The following MAP3K1 variants were observed in gnomAD, a reference collection of about 807,000 sequenced individuals.
MAP3K1 encodes the protein MAP/ERK kinase kinase 1.
MAP3K1 carries 36 observed loss-of-function variants against 144.2 expected under a neutral mutation model. The observed-to-expected ratio is 0.25, with a 90% CI of 0.19 to 0.33. The LOEUF (loss-of-function observed/expected upper bound fraction) is 0.33, where lower values mean the gene tolerates loss of function less well. Among genes scored for constraint, MAP3K1 ranks in the 10% least tolerant of loss-of-function variants. The pLI, the probability that MAP3K1 is intolerant of heterozygous loss-of-function variation, is 1.00. For missense variants in MAP3K1, 1,650 were observed against 1,881.9 expected, an observed-to-expected ratio of 0.88 and a Z score of 2.28; for synonymous variants, 718 against 688.7, an observed-to-expected ratio of 1.04 and a Z score of -0.67.
chr5:56,885,433 A>G (rs1748351480), intron 16 of MAP3K1, among the ~76,000 whole-genome samples: 1 of 152,200 alleles, frequency 6.6e-6, no homozygotes. Flanking sequence ...AAAGATTTAC[A>G]CTACAGTAGA....
intron 19 of MAP3K1, among the ~76,000 whole-genome samples, chr5:56,893,254 T>C (rs1419212888): frequency 6.6e-6 from 1 of 152,196 alleles, no homozygotes; most frequent in Admixed American, 6.5e-5. Context: ...TACCTGAACA[T>C]TTTGATGTAC....
intron 12 of MAP3K1, 82 bp from the exon 13 acceptor site, chr5:56,881,001 C>T: frequency 8.1e-7 from 1 of 1,239,646 alleles, no homozygotes; most frequent in Non-Finnish European, 1.2e-6. Context: ...TTTTTGTTGG[C>T]CTTACACCAT....
intron 3 of MAP3K1, among the ~76,000 whole-genome samples, chr5:56,860,419 G>A (rs182510329): frequency 1.2e-4 from 18 of 152,250 alleles, no homozygotes; most frequent in Admixed American, 3.3e-4. Flanking sequence ...GTATTTGTGC[G>A]GTTGTTAGAG....
intron 1 of MAP3K1, among the ~76,000 whole-genome samples, chr5:56,840,448 AAAT>A (rs142536421): frequency 0.02 from 3,061 of 152,298 alleles, 101 homozygotes; most frequent in African/African-American, 0.071. Flanking sequence ...GCGTCCAGCC[AAAT>A]AATGAGTATT....
chr5:56,825,938 C>T (rs1746298308), intron 1 of MAP3K1, among the ~76,000 whole-genome samples: 1 of 151,938 alleles, frequency 6.6e-6, no homozygotes, highest in African/African-American at 2.4e-5. Context: ...GCATCGTGCT[C>T]AGTTTTAGTC....
At chr5:56,864,680 AG>A in intron 3 of MAP3K1, 53 bp from the exon 4 acceptor site, 1 of 1,577,678 alleles carries the variant, frequency 6.3e-7, no homozygotes, top group African/African-American at 1.3e-5. Context: ...ACCGGATAAT[AG>A]TTTCTTAATT....
In MAP3K1 at chr5:56,886,080, T is replaced by C; in HGVS notation, c.4114+17T>C. On this transcript the variant is annotated intron_variant, in intron 17 of 19. Transcript: ENST00000399503. The stretch of plus-strand genomic sequence containing the variant: ...ATGTCAAAGGTGAGAATTCTTCTAA[T>C]TATTATCTAGTGACAATAAAAAAAT... 13 of 1,605,448 alleles carry C rather than the reference T, an allele frequency of 8.1e-6. No individual in the cohort carries two copies. The highest frequency in any genetic ancestry group is 1.1e-5 in the Non-Finnish European group (13 of 1,172,390).
In MAP3K1 at chr5:56,866,109, A is replaced by G. The variant is rs1020167899; in HGVS notation, c.1301+132A>G. On this transcript the variant is annotated intron_variant, in intron 6 of 19. Transcript: ENST00000399503. ...GAATCTTGGCTTTCAAGTTAAAATC[A>G]AGGGTGAAGATACTAAAAGTTCGCT... is the stretch of plus-strand genomic sequence containing the variant. The G allele has an allele frequency of 3.3e-6, 3 of 899,634 alleles. No homozygotes were observed. The African/African-American group carries it at 5.0e-5, about 15-fold the overall frequency. 55.7% of individuals were successfully genotyped at this position (899,634 alleles called of 1,614,324 possible).
At chr5:56,892,750 C>T (rs1748585025) in intron 19 of MAP3K1, among the ~76,000 whole-genome samples, 1 of 152,058 alleles carries the variant, frequency 6.6e-6, no homozygotes, top group Non-Finnish European at 1.5e-5. Context: ...GGGAGATATG[C>T]AAGAAAGACA....
intron 1 of MAP3K1, among the ~76,000 whole-genome samples, chr5:56,840,228 A>G (rs1579730711): frequency 6.6e-6 from 1 of 151,926 alleles, no homozygotes. Context: ...GCTCACTGCA[A>G]CCTCCGCCTC....
At chr5:56,830,973 A>G (rs1230739865) in intron 1 of MAP3K1, among the ~76,000 whole-genome samples, 1 of 151,882 alleles carries the variant, frequency 6.6e-6, no homozygotes, top group Non-Finnish European at 1.5e-5. Flanking sequence ...CATTGGTAAC[A>G]GCACGTAAAT....
intron 1 of MAP3K1, among the ~76,000 whole-genome samples, chr5:56,816,444 G>T (rs1242816445): frequency 6.6e-6 from 1 of 152,082 alleles, no homozygotes; most frequent in Admixed American, 6.5e-5. Context: ...GGTGTCCCCG[G>T]GGCAAAGGCA....
intron 14 of MAP3K1, among the ~76,000 whole-genome samples, chr5:56,883,211 A>G (rs1278407975): frequency 2.0e-5 from 3 of 152,224 alleles, no homozygotes; most frequent in African/African-American, 7.2e-5. Context: ...TCCTTGGACC[A>G]TACTAAAATA....
chr5:56,853,483 G>T (rs955801636), intron 1 of MAP3K1, among the ~76,000 whole-genome samples: 4 of 152,144 alleles, frequency 2.6e-5, no homozygotes, highest in Admixed American at 2.0e-4. Flanking sequence ...CTTAATATAT[G>T]TTCATACTTA....
In MAP3K1 at chr5:56,859,885, A is replaced by C. The variant is rs1747454025; in HGVS notation, c.804A>C (p.Gly268=). The change falls in exon 3 of 20, where the codon GGA becomes GGC. Residue 268 remains glycine, a synonymous_variant. Transcript: ENST00000399503. ...GCACAGTGAAATCAGAATCTCCAGG[A>C]GTAAGGAGAAAAAGAGTTTCCCCAG... The part of the protein sequence containing the change: ...SGRTVKSESP[G]VRRKRVSPVP... 6.2e-7 allele frequency: 1 copy of C among 1,613,256 alleles called. No individual in the cohort carries two copies. The highest frequency in any genetic ancestry group is 1.1e-5 in the South Asian group (1 of 90,858).
chr5:56,860,844 A>G (rs562104795), intron 3 of MAP3K1, among the ~76,000 whole-genome samples: 2 of 150,332 alleles, frequency 1.3e-5, no homozygotes, highest in African/African-American at 4.9e-5. Flanking sequence ...CAACAGCGAA[A>G]CTCCATCTCA....
chr5:56,857,551 C>T (rs1380439467), intron 2 of MAP3K1, among the ~76,000 whole-genome samples: 1 of 152,148 alleles, frequency 6.6e-6, no homozygotes, highest in African/African-American at 2.4e-5. Flanking sequence ...TCTAAATACA[C>T]CCCTGCCAAG....
chr5:56,845,949 C>T (rs1746980658), intron 1 of MAP3K1, among the ~76,000 whole-genome samples: 2 of 152,074 alleles, frequency 1.3e-5, no homozygotes, highest in South Asian at 2.1e-4. Context: ...AGTTTCTCCC[C>T]GCAGGGAGAT....
intron 1 of MAP3K1, among the ~76,000 whole-genome samples, chr5:56,840,461 T>A (rs888445569): frequency 5.3e-5 from 8 of 152,178 alleles, no homozygotes; most frequent in Non-Finnish European, 7.3e-5. Flanking sequence ...TAATGAGTAT[T>A]AATTGGCTGA....
Sources: gnomAD v4.1 joint callset for allele counts (sites outside exome capture counted in the v4.1 genomes callset) on GRCh38, gnomAD v4.1.1 for gene constraint, MANE v1.5 for transcripts, NCBI Gene and HGNC (gene_info 2026-07-23, HGNC 2026-07-21) for gene names.